EYS: variants seen among roughly 807,000 people sequenced by gnomAD.
EYS encodes protein eyes shut homolog.
EYS carries 250 observed loss-of-function variants against 282.1 expected under a neutral mutation model. The observed-to-expected ratio is 0.89, with a 90% CI of 0.80 to 0.98. The LOEUF (loss-of-function observed/expected upper bound fraction) is 0.98. Ranked by LOEUF, EYS falls within the 50% of genes least tolerant of loss-of-function variation. EYS has a pLI of 0.00. For missense variants in EYS, 4,016 were observed against 3,709.0 expected, an observed-to-expected ratio of 1.08 and a Z score of -2.15; for synonymous variants, 1,355 against 1,282.9, an observed-to-expected ratio of 1.06 and a Z score of -1.20.
intron 2 of EYS, among the ~76,000 whole-genome samples, chr6:65,519,873 C>T (rs1201394301): frequency 2.1e-5 from 3 of 141,644 alleles, no homozygotes; most frequent in Admixed American, 1.4e-4. Context: ...CATGCCATCA[C>T]ACTTGGCTAA....
At chr6:64,894,363 T>A (rs191320909) in intron 18 of EYS, among the ~76,000 whole-genome samples, 3 of 152,250 alleles carry the variant, frequency 2.0e-5, no homozygotes, top group Admixed American at 6.5e-5. Flanking sequence ...AATAAACATA[T>A]AAATCAGAGA....
chr6:65,380,040 C>T (rs1355052966), intron 8 of EYS, among the ~76,000 whole-genome samples: 2 of 152,092 alleles, frequency 1.3e-5, no homozygotes, highest in Non-Finnish European at 2.9e-5. Flanking sequence ...AATGGCCATA[C>T]TGCCCAAAGA....
intron 1 of EYS, among the ~76,000 whole-genome samples, chr6:65,706,833 G>T (rs746087679): frequency 6.6e-6 from 1 of 152,082 alleles, no homozygotes; most frequent in Non-Finnish European, 1.5e-5. Context: ...AGTACTTCAT[G>T]ACTAAATAAA....
chr6:64,695,742 G>A (rs1431357761), intron 22 of EYS, among the ~76,000 whole-genome samples: 1 of 151,788 alleles, frequency 6.6e-6, no homozygotes. Flanking sequence ...GCACCACCAT[G>A]CCCGGCTAAT....
At chr6:64,067,758 C>A (rs1390679817) in intron 32 of EYS, among the ~76,000 whole-genome samples, 4 of 152,008 alleles carry the variant, frequency 2.6e-5, no homozygotes, top group Non-Finnish European at 5.9e-5. Flanking sequence ...TGGAATGTAT[C>A]CCTTGCAAAT....
chr6:65,022,330 G>A (rs568829381), intron 13 of EYS, among the ~76,000 whole-genome samples: 8 of 152,240 alleles, frequency 5.3e-5, no homozygotes, highest in African/African-American at 1.7e-4. Context: ...TATCTAATTG[G>A]ATAAAAAGAA....
At chr6:64,675,986 T>C (rs555133502) in intron 22 of EYS, among the ~76,000 whole-genome samples, 1 of 150,326 alleles carries the variant, frequency 6.7e-6, no homozygotes, top group Admixed American at 6.6e-5. Flanking sequence ...GATAGATCTA[T>C]ATATGGACAG....
intron 31 of EYS, among the ~76,000 whole-genome samples, chr6:64,211,782 T>C (rs1244425179): frequency 6.6e-6 from 1 of 150,972 alleles, no homozygotes; most frequent in East Asian, 1.9e-4. Context: ...ATAATATTTA[T>C]AATATAAAAC....
In EYS at chr6:64,502,227, T is replaced by TTTTTG. The variant is rs539704993; in HGVS notation, c.5645-62880_5645-62876dup. 7.1e-4 allele frequency among the ~76,000 whole-genome samples: 106 copies of TTTTTG among 149,326 alleles called. 4 individuals are homozygous for TTTTTG. The South Asian group carries it at 0.019, about 27-fold the overall frequency. On this transcript the variant is annotated intron_variant, in intron 26 of 42. Coordinates refer to ENST00000503581, the MANE Select transcript of EYS (RefSeq NM_001142800.2). ...AGAACCAGACAGCAGGCTGGTTTTT[T>TTTTTG]TTTTGTTTTGTTTTGTTTTGTTTTG...
rs140870613 is a variant in EYS at position 65,232,646 on chromosome 6, G to A, written c.2023+63217C>T. 2.2e-3 allele frequency among the ~76,000 whole-genome samples: 329 copies of A among 152,160 alleles called. 2 individuals carry two copies. The highest frequency in any genetic ancestry group is 7.2e-3 in the African/African-American group (301 of 41,538). On this transcript the variant is annotated intron_variant, in intron 12 of 42. Coordinates refer to ENST00000503581, the MANE Select transcript of EYS (RefSeq NM_001142800.2). ...GCATTTGTCACAATTAATGAAAATA[G>A]TGATTTATTAACTGAAGTCCATACT...
chr6:64,688,978 A>C (rs552603811), intron 22 of EYS, among the ~76,000 whole-genome samples: 1 of 152,094 alleles, frequency 6.6e-6, no homozygotes, highest in Non-Finnish European at 1.5e-5. Flanking sequence ...CAGGGCAATC[A>C]GGCAGGAGAA....
intron 12 of EYS, among the ~76,000 whole-genome samples, chr6:65,161,631 T>A (rs1764852427): frequency 6.6e-6 from 1 of 151,058 alleles, no homozygotes; most frequent in African/African-American, 2.4e-5. Flanking sequence ...AATTCTAAAT[T>A]GTTTCCCCTT....
intron 2 of EYS, among the ~76,000 whole-genome samples, chr6:65,497,388 T>G (rs1244942944): frequency 6.6e-6 from 1 of 151,992 alleles, no homozygotes; most frequent in Non-Finnish European, 1.5e-5. Context: ...GCTAAAATGA[T>G]AAAACGGAAT....
intron 13 of EYS, among the ~76,000 whole-genome samples, chr6:65,019,653 C>T (rs1459081748): frequency 1.3e-5 from 2 of 152,152 alleles, no homozygotes; most frequent in Non-Finnish European, 2.9e-5. Context: ...TGTCCATTTG[C>T]CTAGCTTGCT....
intron 11 of EYS, among the ~76,000 whole-genome samples, chr6:65,324,339 CCACT>C (rs757391496): frequency 5.3e-4 from 81 of 152,170 alleles, no homozygotes; most frequent in Non-Finnish European, 1.0e-3. Context: ...GATCCTGGGC[CCACT>C]AAGGAAAATT....
intron 22 of EYS, among the ~76,000 whole-genome samples, chr6:64,758,808 G>C (rs777116407): frequency 8.5e-5 from 13 of 152,126 alleles, no homozygotes; most frequent in Non-Finnish European, 1.5e-4. Context: ...AATTTGGATG[G>C]GGAGAAAAGA....
chr6:65,142,143 G>A (rs1009453985), intron 12 of EYS, among the ~76,000 whole-genome samples: 1 of 151,908 alleles, frequency 6.6e-6, no homozygotes, highest in Non-Finnish European at 1.5e-5. Context: ...GTTCACTATA[G>A]TAATTATTTT....
At chr6:64,541,389 T>C (rs576301475) in intron 26 of EYS, among the ~76,000 whole-genome samples, 2 of 152,364 alleles carry the variant, frequency 1.3e-5, no homozygotes, top group East Asian at 1.9e-4. Context: ...GTCAAAATGA[T>C]AATCTTGAGA....
intron 1 of EYS, among the ~76,000 whole-genome samples, chr6:65,702,567 C>T (rs1462850204): frequency 6.6e-6 from 1 of 152,128 alleles, no homozygotes; most frequent in Non-Finnish European, 1.5e-5. Context: ...TAGCACTTGC[C>T]TGTATTCCCA....
Sources: gnomAD v4.1 joint callset for allele counts (sites outside exome capture counted in the v4.1 genomes callset) on GRCh38, gnomAD v4.1.1 for gene constraint, MANE v1.5 for transcripts, NCBI Gene and HGNC (gene_info 2026-07-23, HGNC 2026-07-21) for gene names.